The following MYO18B variants were observed in gnomAD, a reference collection of about 807,000 sequenced individuals.
The protein encoded by MYO18B is unconventional myosin-XVIIIb.
Under a neutral mutation model 273.0 loss-of-function variants are expected in MYO18B, and 204 were observed. That is an observed-to-expected ratio of 0.75 (90% CI 0.67 to 0.84). The LOEUF (loss-of-function observed/expected upper bound fraction) is 0.84. Ranked by LOEUF, MYO18B falls within the 40% of genes least tolerant of loss-of-function variation. The pLI, the probability that MYO18B is intolerant of heterozygous loss-of-function variation, is 0.00. For missense variants in MYO18B, 3,212 were observed against 3,287.6 expected, an observed-to-expected ratio of 0.98 and a Z score of 0.56; for synonymous variants, 1,330 against 1,305.7, an observed-to-expected ratio of 1.02 and a Z score of -0.40.
intron 12 of MYO18B, among the ~76,000 whole-genome samples, chr22:25,800,434 C>T (rs1415719790): frequency 1.3e-5 from 2 of 152,210 alleles, no homozygotes; most frequent in Non-Finnish European, 2.9e-5. Flanking sequence ...GTCACTGAGG[C>T]CAACCTGAGT....
intron 21 of MYO18B, among the ~76,000 whole-genome samples, chr22:25,862,955 C>T (rs867084447): frequency 5.9e-5 from 9 of 151,918 alleles, no homozygotes; most frequent in South Asian, 2.1e-4. Flanking sequence ...TATATTGGCA[C>T]GCTTGATTTG....
At chr22:25,877,621 A>G (rs1010958617) in intron 24 of MYO18B, among the ~76,000 whole-genome samples, 1 of 151,986 alleles carries the variant, frequency 6.6e-6, no homozygotes, top group African/African-American at 2.4e-5. Context: ...GGCATGCACC[A>G]CCAAGCCTAG....
At chr22:26,035,367 C>T (rs887129644), downstream of MYO18B, among the ~76,000 whole-genome samples, 1 of 152,138 alleles carries the variant, frequency 6.6e-6, no homozygotes, top group African/African-American at 2.4e-5. Context: ...TGTCAGGGAC[C>T]CATAGAGAGC....
intron 36 of MYO18B, among the ~76,000 whole-genome samples, chr22:25,950,157 T>G (rs1439603903): frequency 1.3e-5 from 2 of 152,112 alleles, no homozygotes; most frequent in Non-Finnish European, 2.9e-5. Flanking sequence ...ATCCAGGGGC[T>G]TATATAATTG....
intron 25 of MYO18B, among the ~76,000 whole-genome samples, chr22:25,889,657 A>G (rs930806416): frequency 6.6e-6 from 1 of 151,708 alleles, no homozygotes; most frequent in African/African-American, 2.4e-5. Context: ...TCTTAGCCAT[A>G]AACACTCCAC....
At chr22:26,048,955 T>C in the MYO18B span, among the ~76,000 whole-genome samples, 2 of 152,208 alleles carry the variant, frequency 1.3e-5, no homozygotes, top group South Asian at 4.1e-4. Flanking sequence ...GCCAACACTA[T>C]TGGGTACTAG....
intron 21 of MYO18B, among the ~76,000 whole-genome samples, chr22:25,855,285 C>CTTTT (rs150338635): frequency 0.28 from 37,137 of 131,926 alleles, 5,840 homozygotes; most frequent in East Asian, 0.48. Context: ...TTATCTCATT[C>CTTTT]TTTTTTTTTT....
intron 38 of MYO18B, among the ~76,000 whole-genome samples, chr22:25,954,423 A>G (rs2092825252): frequency 6.6e-6 from 1 of 150,978 alleles, no homozygotes; most frequent in South Asian, 2.1e-4. Flanking sequence ...GCCCCTCGAG[A>G]TAAATAGGAG....
chr22:25,764,264 G>C (rs2086427293), intron 3 of MYO18B, among the ~76,000 whole-genome samples: 1 of 152,202 alleles, frequency 6.6e-6, no homozygotes, highest in East Asian at 1.9e-4. Context: ...GCTGGTGGTG[G>C]CCAGTGCTAT....
intron 39 of MYO18B, chr22:25,983,526 T>C (rs929940926): frequency 2.6e-5 from 4 of 152,242 alleles, no homozygotes; most frequent in African/African-American, 9.6e-5. Context: ...CCTAAAATGA[T>C]CCTGGATCCT....
chr22:25,839,110 GTA>G (rs1246039741), intron 17 of MYO18B, among the ~76,000 whole-genome samples: 1 of 142,290 alleles, frequency 7.0e-6, no homozygotes, highest in Non-Finnish European at 1.6e-5. Context: ...GTGCGTGTGT[GTA>G]TATATGTATG....
At chr22:25,919,449 C>G (rs556275068) in intron 33 of MYO18B, among the ~76,000 whole-genome samples, 1 of 152,156 alleles carries the variant, frequency 6.6e-6, no homozygotes, top group Admixed American at 6.6e-5. Flanking sequence ...CTATACACCT[C>G]ATTGATTCAT....
rs758810847 is a variant in MYO18B at position 26,030,658 on chromosome 22, T to G, written c.*228T>G. ...GACTCCTGGGCATCTGTGCCTTCTCTATGGCCTTGCTACCTGGGATTCCAG... is the reference window on the plus strand; with the variant it reads ...GACTCCTGGGCATCTGTGCCTTCTCGATGGCCTTGCTACCTGGGATTCCAG... On this transcript the variant is annotated 3_prime_UTR_variant, in exon 44 of 44. Coordinates refer to ENST00000335473, the MANE Select transcript of MYO18B (RefSeq NM_032608.7). The G allele has an allele frequency of 2.9e-6, 1 of 348,364 alleles. No individual in the cohort carries two copies. The highest frequency in any genetic ancestry group is 5.2e-6 in the Non-Finnish European group (1 of 194,168). 21.6% of individuals were successfully genotyped at this position (348,364 alleles called of 1,614,324 possible).
At chr22:25,948,434 C>CTTT (rs1569224880) in intron 36 of MYO18B, among the ~76,000 whole-genome samples, 2,601 of 111,782 alleles carry the variant, frequency 0.023, 66 homozygotes, top group African/African-American at 0.045. Context: ...TTCCTTCCTT[C>CTTT]CTTCCTTCCT....
intron 12 of MYO18B, among the ~76,000 whole-genome samples, chr22:25,808,871 G>A (rs559101953): frequency 8.0e-4 from 121 of 152,108 alleles, no homozygotes; most frequent in Non-Finnish European, 1.5e-3. Context: ...GCTATCATTG[G>A]CATTATTGTT....
At chr22:25,853,926 C>G (rs1487978957) in intron 21 of MYO18B, among the ~76,000 whole-genome samples, 1 of 152,160 alleles carries the variant, frequency 6.6e-6, no homozygotes, top group Non-Finnish European at 1.5e-5. Context: ...TATGAAAAAA[C>G]TGATAAATAT....
chr22:25,966,187 GAA>G (rs1320329644), intron 39 of MYO18B, among the ~76,000 whole-genome samples: 2 of 152,204 alleles, frequency 1.3e-5, no homozygotes, highest in African/African-American at 4.8e-5. Flanking sequence ...CTGAGAATCT[GAA>G]CATAGTAGGT....
chr22:25,817,849 A>G (rs1462357256), intron 12 of MYO18B, among the ~76,000 whole-genome samples: 1 of 152,214 alleles, frequency 6.6e-6, no homozygotes, highest in Non-Finnish European at 1.5e-5. Flanking sequence ...ACTGATGACC[A>G]TTCCATAGAA....
At chr22:25,951,462 C>T (rs576780757) in intron 37 of MYO18B, among the ~76,000 whole-genome samples, 12 of 152,190 alleles carry the variant, frequency 7.9e-5, no homozygotes, top group African/African-American at 2.7e-4. Context: ...TGAATCCAAG[C>T]GTGCCCCATG....
Sources: gnomAD v4.1 joint callset for allele counts (sites outside exome capture counted in the v4.1 genomes callset) on GRCh38, gnomAD v4.1.1 for gene constraint, MANE v1.5 for transcripts, NCBI Gene and HGNC (gene_info 2026-07-23, HGNC 2026-07-21) for gene names.